The following CSMD1 variants were observed in gnomAD, a reference collection of about 807,000 sequenced individuals.
CSMD1 encodes CUB and Sushi multiple domains 1.
In CSMD1, 213 loss-of-function variants were observed where a neutral mutation model predicts 417.5. The observed-to-expected ratio is 0.51, with a 90% CI of 0.46 to 0.57. The LOEUF is 0.57. CSMD1 is among the 20% of genes least tolerant of loss of function. CSMD1 has a pLI of 0.00. For synonymous variants in CSMD1, 2,862 were observed against 1,736.8 expected (o/e 1.65, Z -16.11); for missense variants, 6,923 against 4,529.7 (o/e 1.53, Z -15.17).
chr8:2,978,863 A>C (rs2128937809), intron 54 of CSMD1, 63 bp from the exon 55 acceptor site: 1 of 1,383,428 alleles, frequency 7.2e-7, no homozygotes, highest in East Asian at 2.4e-5. Context: ...AAAATAGATC[A>C]GAAATGAAGG....
At chr8:3,539,299 T>TACCTCCC (rs1433850702) in intron 10 of CSMD1, among the ~76,000 whole-genome samples, 3 of 152,178 alleles carry the variant, frequency 2.0e-5, no homozygotes, top group Admixed American at 2.0e-4. Flanking sequence ...CCCTACTGCC[T>TACCTCCC]ACCTCCCACC....
At chr8:4,350,327 C>G (rs561227450) in intron 3 of CSMD1, among the ~76,000 whole-genome samples, 4 of 152,158 alleles carry the variant, frequency 2.6e-5, no homozygotes, top group Non-Finnish European at 5.9e-5. Flanking sequence ...GCTGACACAC[C>G]TGAGGGGCAC....
At chr8:4,352,358 T>C (rs1801148266) in intron 3 of CSMD1, among the ~76,000 whole-genome samples, 1 of 152,220 alleles carries the variant, frequency 6.6e-6, no homozygotes, top group African/African-American at 2.4e-5. Context: ...TGTTCTCAGA[T>C]AATTCACAAA....
intron 1 of CSMD1, among the ~76,000 whole-genome samples, chr8:4,886,300 A>G (rs570027227): frequency 7.2e-5 from 11 of 151,960 alleles, no homozygotes; most frequent in Non-Finnish European, 1.5e-4. Context: ...GTCACTTTGC[A>G]TTTGAATATC....
chr8:3,938,900 T>C (rs1489802754), intron 5 of CSMD1, among the ~76,000 whole-genome samples: 1 of 152,160 alleles, frequency 6.6e-6, no homozygotes, highest in Non-Finnish European at 1.5e-5. Flanking sequence ...TATATCTATA[T>C]GCTCAATACT....
At chr8:3,507,064 G>C (rs998285779) in intron 10 of CSMD1, among the ~76,000 whole-genome samples, 13 of 152,080 alleles carry the variant, frequency 8.5e-5, no homozygotes, top group African/African-American at 2.4e-4. Flanking sequence ...ATAGAGCTTG[G>C]TGTCATGGTT....
rs551487036 is a variant in CSMD1 at position 3,230,075 on chromosome 8, C to T, written c.4310G>A (p.Arg1437Gln). 7 of 1,609,698 alleles carry T rather than the reference C, an allele frequency of 4.3e-6. No homozygotes were observed. The highest frequency in any genetic ancestry group is 2.2e-5 in the East Asian group (1 of 44,780). ...AKITCVQLNN[R>Q]FFWQPDPPTC... is the part of the protein sequence containing the mutation. ...AGGAGGGTCTGGTTGCCAAAAGAAC[C>T]GGTTATTCAGCTGCACACAGGTGAT... Residue 1437 changes from arginine (R) to glutamine (Q), a missense_variant, in exon 27 of 70, where the codon CGG becomes CAG. Coordinates refer to ENST00000635120, the MANE Select transcript of CSMD1 (RefSeq NM_033225.6).
intron 5 of CSMD1, among the ~76,000 whole-genome samples, chr8:3,847,386 C>T (rs1803579278): frequency 6.6e-6 from 1 of 152,112 alleles, no homozygotes. Context: ...TGCTGGCCTC[C>T]CGGAAGGCAC....
intron 1 of CSMD1, among the ~76,000 whole-genome samples, chr8:4,811,716 T>G (rs1798919093): frequency 1.3e-5 from 2 of 152,100 alleles, no homozygotes; most frequent in African/African-American, 4.8e-5. Flanking sequence ...AAATGAATAC[T>G]GATTCATTTT....
chr8:3,170,455 G>A lies in CSMD1; in HGVS notation c.5726-8178C>T, dbSNP rs946073626. On this transcript the variant is annotated intron_variant, in intron 37 of 69. Transcript: ENST00000635120. ...GATCTCCTGACCTTGTCATCCGCCC[G>A]CCTCGGCCTCCCAAAGTGCTGGGAT... is the stretch of plus-strand genomic sequence containing the variant. 5.3e-5 allele frequency among the ~76,000 whole-genome samples: 8 copies of A among 152,264 alleles called. No individual in the cohort carries two copies. The South Asian group carries it at 8.3e-4, about 16-fold the overall frequency.
chr8:3,669,694 T>C (rs1282914116), intron 7 of CSMD1, among the ~76,000 whole-genome samples: 2 of 152,038 alleles, frequency 1.3e-5, no homozygotes, highest in Admixed American at 6.6e-5. Flanking sequence ...TGTGAGGCGT[T>C]ATGCTAGGAA....
intron 1 of CSMD1, among the ~76,000 whole-genome samples, chr8:4,912,660 C>A (rs1458118663): frequency 3.3e-5 from 5 of 152,142 alleles, no homozygotes; most frequent in South Asian, 2.1e-4. Context: ...AGGTCAGGAA[C>A]CAAAGAGTTT....
chr8:4,484,385 C>G (rs1298154944), intron 2 of CSMD1, among the ~76,000 whole-genome samples: 2 of 152,120 alleles, frequency 1.3e-5, no homozygotes, highest in Non-Finnish European at 2.9e-5. Context: ...TATGAACACT[C>G]TCTCATTCAC....
intron 10 of CSMD1, among the ~76,000 whole-genome samples, chr8:3,517,106 G>A (rs972203888): frequency 6.6e-6 from 1 of 152,160 alleles, no homozygotes; most frequent in African/African-American, 2.4e-5. Context: ...TCTCAGGAGA[G>A]GAAGGAGGCC....
chr8:3,496,254 C>T (rs1027912052), intron 10 of CSMD1, among the ~76,000 whole-genome samples: 1 of 152,204 alleles, frequency 6.6e-6, no homozygotes, highest in African/African-American at 2.4e-5. Flanking sequence ...GAAAGCCAGT[C>T]TCTTTGCCAA....
intron 25 of CSMD1, among the ~76,000 whole-genome samples, chr8:3,288,964 T>G (rs1803352599): frequency 6.8e-6 from 1 of 146,532 alleles, no homozygotes; most frequent in Non-Finnish European, 1.5e-5. Flanking sequence ...CTCCTAATGC[T>G]ATCCCTCCCC....
At chr8:3,608,141 T>A (rs1240957153) in intron 8 of CSMD1, among the ~76,000 whole-genome samples, 1 of 137,846 alleles carries the variant, frequency 7.3e-6, no homozygotes, top group Non-Finnish European at 1.5e-5. Flanking sequence ...GCCACTGCCC[T>A]CCAGCCTGGG....
intron 64 of CSMD1, 123 bp downstream of exon 64, chr8:2,955,466 G>C (rs1344244707): frequency 7.2e-6 from 6 of 832,040 alleles, no homozygotes; most frequent in South Asian, 1.8e-5. Flanking sequence ...ACTGAGGCAG[G>C]TGGCGATGCT....
At chr8:3,367,011 C>A (rs765208927) in intron 20 of CSMD1, 21 bp downstream of exon 20, 1 of 1,586,340 alleles carries the variant, frequency 6.3e-7, no homozygotes, top group South Asian at 1.1e-5. Context: ...AGGAGAGAAA[C>A]AGCAAACAAG....
Sources: allele counts gnomAD v4.1 joint callset (sites outside exome capture counted in the v4.1 genomes callset), GRCh38; gene constraint gnomAD v4.1.1; transcripts MANE v1.5; gene names NCBI Gene and HGNC (gene_info 2026-07-23, HGNC 2026-07-21).